Variants in OLFM3 observed in about 807,000 individuals in gnomAD.
OLFM3 encodes olfactomedin 3, also known as noelin-3.
Under a neutral mutation model 48.6 loss-of-function variants are expected in OLFM3, and 20 were observed. The ratio of observed to expected loss-of-function variants is 0.41; its 90% CI spans 0.29 to 0.60. The LOEUF (loss-of-function observed/expected upper bound fraction) is 0.60. Ranked by LOEUF, OLFM3 falls within the 20% of genes least tolerant of loss-of-function variation. OLFM3 has a pLI of 0.28. For synonymous variants in OLFM3, 222 were observed against 198.1 expected (o/e 1.12, Z -1.01); for missense variants, 437 against 544.3 (o/e 0.80, Z 1.96).
chr1:101,940,014 A>G, intron 1 of OLFM3, among the ~76,000 whole-genome samples: 1 of 152,074 alleles, frequency 6.6e-6, no homozygotes, highest in East Asian at 1.9e-4. Flanking sequence ...ACAATTTCAC[A>G]TTTTCATCTC....
At chr1:101,834,071 G>A (rs1285780643) in intron 2 of OLFM3, among the ~76,000 whole-genome samples, 1 of 152,162 alleles carries the variant, frequency 6.6e-6, no homozygotes, top group Non-Finnish European at 1.5e-5. Flanking sequence ...CTGAAATACT[G>A]TGAAACCAAT....
chr1:101,878,426 G>A (rs1264150339), intron 1 of OLFM3, among the ~76,000 whole-genome samples: 1 of 151,796 alleles, frequency 6.6e-6, no homozygotes, highest in East Asian at 1.9e-4. Context: ...TATATGTTGG[G>A]TCACCCATTA....
chr1:101,964,715 A>C (rs960985976), intron 1 of OLFM3, among the ~76,000 whole-genome samples: 3 of 152,216 alleles, frequency 2.0e-5, no homozygotes, highest in Non-Finnish European at 4.4e-5. Flanking sequence ...TTGCAAGTAG[A>C]TTCTTTCAAC....
At chr1:101,845,032 TA>T (rs1344742151) in intron 1 of OLFM3, among the ~76,000 whole-genome samples, 2 of 151,848 alleles carry the variant, frequency 1.3e-5, no homozygotes, top group South Asian at 2.1e-4. Context: ...ATACCTAAAA[TA>T]AAAAAAAGAA....
chr1:101,989,236 T>C (rs1661332147), intron 1 of OLFM3, among the ~76,000 whole-genome samples: 1 of 152,136 alleles, frequency 6.6e-6, no homozygotes, highest in South Asian at 2.1e-4. Flanking sequence ...ATTTTTATAC[T>C]TCTGAAGGCT....
Position 101,804,710 on chromosome 1 carries a change from A to G in OLFM3, c.905T>C (p.Val302Ala), listed in dbSNP as rs1200095098. The change falls in exon 6 of 6, where the codon GTG (valine) becomes GCG (alanine). Residue 302 changes from valine to alanine, a missense_variant. Physicochemically the swap from Val to Ala is moderately conservative, Grantham distance 64 (BLOSUM62 0). This residue lies in a region of OLFM3 where 314 missense variants were observed against 365.5 expected (regional missense o/e 0.86). Transcript: ENST00000370103. This position sits in a 1 kb window ranked among gnomAD's most constrained non-coding sequence, Gnocchi z 4.5. ...IIKYSFDMGRVLAQRSLEYAG... is the reference protein window; with the variant it reads ...IIKYSFDMGRALAQRSLEYAG... ...ATACTCCAGGCTTCGTTGGGCAAGC[A>G]CTCTCCCCATATCAAAGCTGTATTT... The G allele has an allele frequency of 1.2e-6, 2 of 1,612,220 alleles. No individual in the cohort carries two copies. Among genetic ancestry groups the G allele is most frequent in the Admixed American group, 3.3e-5 (2 of 59,766 alleles).
rs534136353 is a variant in OLFM3, at chr1:101,875,486, G to A, written c.70-38461C>T. Among the ~76,000 whole-genome samples the A allele has an allele frequency of 2.6e-5, 4 of 152,036 alleles. No homozygotes were observed. In the South Asian group the frequency reaches 8.3e-4, roughly 32 times the overall value. ...TATGTGCATGTCTGTGGAATAGAAG[G>A]AAGATATAGGAACACTACTTTCCGC... is the stretch of plus-strand genomic sequence containing the variant. On this transcript the variant is annotated intron_variant, in intron 1 of 5. Coordinates refer to ENST00000370103, the MANE Select transcript of OLFM3 (RefSeq NM_058170.4).
At chr1:101,918,713 G>A (rs947158391) in intron 1 of OLFM3, among the ~76,000 whole-genome samples, 1 of 151,872 alleles carries the variant, frequency 6.6e-6, no homozygotes, top group African/African-American at 2.4e-5. Flanking sequence ...CGGGTTCTGG[G>A]GATTTGAATG....
chr1:101,816,378 G>A (rs1654338853), intron 4 of OLFM3, among the ~76,000 whole-genome samples: 1 of 152,170 alleles, frequency 6.6e-6, no homozygotes, highest in Non-Finnish European at 1.5e-5. Context: ...CGCTGATGTT[G>A]TGAAAGACAA....
intron 1 of OLFM3, among the ~76,000 whole-genome samples, chr1:101,919,944 A>T (rs1659043902): frequency 6.6e-6 from 1 of 152,014 alleles, no homozygotes; most frequent in South Asian, 2.1e-4. Context: ...GTAAATGGCA[A>T]CTCTATTCTG....
In OLFM3 at chr1:101,804,645, A is replaced by C; in HGVS notation, c.970T>G (p.Phe324Val). The C allele has an allele frequency of 6.2e-7, 1 of 1,612,576 alleles. No individual in the cohort carries two copies. ...HNVYPYTWGG[F>V]SDIDLMADEI... Reference sequence around the variant, plus strand: ...TCAGCCATTAGGTCGATGTCAGAGAATCCACCCCATGTGTAGGGGTAAACA... The same window carrying C: ...TCAGCCATTAGGTCGATGTCAGAGACTCCACCCCATGTGTAGGGGTAAACA... The change falls in exon 6 of 6, where the codon TTC (phenylalanine) becomes GTC (valine). Residue 324 changes from phenylalanine to valine, a missense_variant. Phe to Val is a conservative substitution (Grantham distance 50, BLOSUM62 -1). Coordinates refer to ENST00000370103, the MANE Select transcript of OLFM3 (RefSeq NM_058170.4). This position sits in a 1 kb window ranked among gnomAD's most constrained non-coding sequence, Gnocchi z 4.5.
At chr1:101,841,200 C>A (rs1655702579) in intron 1 of OLFM3, among the ~76,000 whole-genome samples, 2 of 152,096 alleles carry the variant, frequency 1.3e-5, no homozygotes, top group African/African-American at 2.4e-5. Flanking sequence ...AATCAAACTA[C>A]CTTGCATTTC....
intron 1 of OLFM3, among the ~76,000 whole-genome samples, chr1:101,895,430 C>G (rs547219681): frequency 0.022 from 3,303 of 151,848 alleles, 54 homozygotes; most frequent in Non-Finnish European, 0.033. Flanking sequence ...CACACACACA[C>G]ACACACACAC....
chr1:101,961,674 G>A (rs1001474132), intron 1 of OLFM3, among the ~76,000 whole-genome samples: 1 of 152,116 alleles, frequency 6.6e-6, no homozygotes, highest in Admixed American at 6.6e-5. Context: ...CAGACAGCGA[G>A]GAGAGACTAT....
intron 1 of OLFM3, among the ~76,000 whole-genome samples, chr1:101,840,185 A>G (rs1377362601): frequency 6.6e-6 from 1 of 152,212 alleles, no homozygotes; most frequent in African/African-American, 2.4e-5. Flanking sequence ...AACATATAAG[A>G]ACAATTATTT....
intron 1 of OLFM3, among the ~76,000 whole-genome samples, chr1:101,852,872 G>A (rs1380664135): frequency 6.6e-6 from 1 of 152,004 alleles, no homozygotes; most frequent in Non-Finnish European, 1.5e-5. Flanking sequence ...GTCAGCTAGT[G>A]TCTACTCTCA....
At chr1:101,991,016 A>AAAATATATAT (rs1553186119) in intron 1 of OLFM3, among the ~76,000 whole-genome samples, 55 of 32,186 alleles carry the variant, frequency 1.7e-3, no homozygotes, top group Middle Eastern at 0.031. Flanking sequence ...AAAAAAAAAA[A>AAAATATATAT]ATATATATAT....
chr1:101,838,750 G>A lies in OLFM3; in HGVS notation c.70-1725C>T, dbSNP rs148032686. On this transcript the variant is annotated intron_variant, in intron 1 of 5. Transcript: ENST00000370103. Reference sequence around the variant, plus strand: ...CTGCCTCAGCCTCCCAAAGTGCTGCGACTAAAGCTCTAAGCCACCGCGCTG... The same window carrying A: ...CTGCCTCAGCCTCCCAAAGTGCTGCAACTAAAGCTCTAAGCCACCGCGCTG... Among the ~76,000 whole-genome samples the A allele has an allele frequency of 4.5e-3, 680 of 152,290 alleles. 10 individuals are homozygous for A. The highest frequency in any genetic ancestry group is 0.016 in the African/African-American group (656 of 41,566).
intron 1 of OLFM3, among the ~76,000 whole-genome samples, chr1:101,962,730 A>T (rs1220940610): frequency 5.9e-5 from 9 of 152,284 alleles, no homozygotes; most frequent in Admixed American, 5.2e-4. Flanking sequence ...TTCCTCTTTC[A>T]TCTCAGTCTG....
Sources: allele counts gnomAD v4.1 joint callset (sites outside exome capture counted in the v4.1 genomes callset), GRCh38; gene constraint gnomAD v4.1.1; regional missense constraint gnomAD v4.1.1; non-coding constraint Gnocchi (gnomAD v3.1); transcripts MANE v1.5; gene names NCBI Gene and HGNC (gene_info 2026-07-23, HGNC 2026-07-21).